SNAP91: variants seen among roughly 807,000 people sequenced by gnomAD.
SNAP91 encodes synaptosome associated protein 91, also known as clathrin coat assembly protein AP180.
Under a neutral mutation model 100.3 loss-of-function variants are expected in SNAP91, and 27 were observed. The ratio of observed to expected loss-of-function variants is 0.27; its 90% CI spans 0.20 to 0.37. The LOEUF (loss-of-function observed/expected upper bound fraction) is 0.37, where lower values mean the gene tolerates loss of function less well. Among genes scored for constraint, SNAP91 ranks in the 10% least tolerant of loss-of-function variants. The pLI is 1.00. For synonymous variants in SNAP91, 404 were observed against 398.6 expected (o/e 1.01, Z -0.16); for missense variants, 986 against 1,123.7 (o/e 0.88, Z 1.75).
chr6:83,616,120 A>C (rs977128557), intron 10 of SNAP91, among the ~76,000 whole-genome samples: 6 of 152,212 alleles, frequency 3.9e-5, no homozygotes, highest in Admixed American at 1.3e-4. Context: ...ATGTAAAAAA[A>C]GAAATAGCCA....
chr6:83,555,958 C>A (rs910012678), intron 29 of SNAP91, among the ~76,000 whole-genome samples, 185 bp downstream of exon 29: 1 of 151,988 alleles, frequency 6.6e-6, no homozygotes, highest in African/African-American at 2.4e-5. Context: ...CTCCTAGTTA[C>A]ATAAATTAAG....
chr6:83,678,600 G>A (rs930955780), intron 2 of SNAP91, among the ~76,000 whole-genome samples: 1 of 152,080 alleles, frequency 6.6e-6, no homozygotes, highest in Admixed American at 6.6e-5. Context: ...TTTCTCCTTT[G>A]CTGTATCTAT....
chr6:83,633,334 C>G (rs1359074162), intron 8 of SNAP91, among the ~76,000 whole-genome samples: 2 of 152,118 alleles, frequency 1.3e-5, no homozygotes, highest in African/African-American at 4.8e-5. Context: ...GTTTAAGGCG[C>G]TATTTTTGTG....
intron 26 of SNAP91, among the ~76,000 whole-genome samples, chr6:83,567,097 C>T (rs1050793612): frequency 6.6e-6 from 1 of 152,296 alleles, no homozygotes; most frequent in East Asian, 1.9e-4. Context: ...TGCCACCACA[C>T]CCAGCTAACT....
intron 16 of SNAP91, among the ~76,000 whole-genome samples, chr6:83,597,472 T>C (rs1273895849): frequency 6.6e-6 from 1 of 152,248 alleles, no homozygotes; most frequent in African/African-American, 2.4e-5. Context: ...GTTACCCATT[T>C]GCAGTTAATT....
At chr6:83,561,041 G>T (rs544099740) in intron 26 of SNAP91, 94 bp from the exon 27 acceptor site, 2 of 836,426 alleles carry the variant, frequency 2.4e-6, no homozygotes, top group East Asian at 5.9e-5. Flanking sequence ...ATATAATTTG[G>T]TATTTATTTA....
At chr6:83,563,481 G>A (rs1326612406) in intron 26 of SNAP91, among the ~76,000 whole-genome samples, 1 of 152,128 alleles carries the variant, frequency 6.6e-6, no homozygotes, top group Non-Finnish European at 1.5e-5. Context: ...AAGACAAGGA[G>A]GTTATGAAAG....
chr6:83,596,798 C>T (rs2094528976), intron 16 of SNAP91, among the ~76,000 whole-genome samples: 1 of 152,156 alleles, frequency 6.6e-6, no homozygotes, highest in East Asian at 1.9e-4. Context: ...TAAAGTTACA[C>T]AGCAAGAAAA....
chr6:83,581,693 G>A (rs1413317682), intron 23 of SNAP91, among the ~76,000 whole-genome samples: 2 of 152,174 alleles, frequency 1.3e-5, no homozygotes, highest in African/African-American at 4.8e-5. Context: ...AACTCACCAA[G>A]TGAAAATTTG....
At chr6:83,612,180 T>C (rs1238822709) in intron 11 of SNAP91, among the ~76,000 whole-genome samples, 1 of 152,164 alleles carries the variant, frequency 6.6e-6, no homozygotes, top group Non-Finnish European at 1.5e-5. Flanking sequence ...TGGTTACATG[T>C]AGTTTGGCTA....
chr6:83,700,546 T>G lies in SNAP91; in HGVS notation c.130+7252A>C, dbSNP rs58381722. ...AGTAGGTACTATAATTAATCTTCAT[T>G]TTACAGATGAGGCTTATTACTGATC... On this transcript the variant is annotated intron_variant, in intron 2 of 29. Coordinates refer to ENST00000369694, the MANE Select transcript of SNAP91 (RefSeq NM_001242792.2). Among the ~76,000 whole-genome samples the G allele has an allele frequency of 3.3e-3, 505 of 151,884 alleles. 4 individuals carry two copies. The highest frequency in any genetic ancestry group is 0.012 in the African/African-American group (477 of 41,448).
chr6:83,684,118 T>C (rs186955796), intron 2 of SNAP91, among the ~76,000 whole-genome samples: 11 of 152,342 alleles, frequency 7.2e-5, no homozygotes, highest in Admixed American at 7.2e-4. Context: ...AATAGTTTCA[T>C]ACAATCTAGT....
intron 7 of SNAP91, among the ~76,000 whole-genome samples, chr6:83,642,626 T>C (rs1443156388): frequency 6.6e-6 from 1 of 152,246 alleles, no homozygotes; most frequent in African/African-American, 2.4e-5. Flanking sequence ...TCTTTGCTAC[T>C]GTGAACAGTG....
intron 22 of SNAP91, among the ~76,000 whole-genome samples, chr6:83,582,819 T>C (rs1204733817): frequency 6.6e-6 from 1 of 152,230 alleles, no homozygotes; most frequent in Non-Finnish European, 1.5e-5. Context: ...ATACATGTTC[T>C]AGCCCCACTG....
At chr6:83,621,304 T>C (rs1000577343) in intron 9 of SNAP91, among the ~76,000 whole-genome samples, 3 of 152,230 alleles carry the variant, frequency 2.0e-5, no homozygotes, top group Non-Finnish European at 4.4e-5. Flanking sequence ...TTCTTTTTAA[T>C]GGTTGTATAG....
chr6:83,635,572 G>A (rs1256606487), intron 8 of SNAP91, among the ~76,000 whole-genome samples: 1 of 151,936 alleles, frequency 6.6e-6, no homozygotes, highest in Non-Finnish European at 1.5e-5. Context: ...TTGAGGCTAT[G>A]CGTGTCATTA....
intron 2 of SNAP91, among the ~76,000 whole-genome samples, chr6:83,700,686 T>C (rs980496281): frequency 6.6e-6 from 1 of 152,030 alleles, no homozygotes. Context: ...AATGGCATGA[T>C]CATGGCTCAT....
At chr6:83,603,579 TA>T (rs1383822221) in intron 14 of SNAP91, among the ~76,000 whole-genome samples, 2 of 151,624 alleles carry the variant, frequency 1.3e-5, no homozygotes, top group African/African-American at 4.8e-5. Context: ...GTCTTATGGC[TA>T]AAATTTGAAA....
intron 7 of SNAP91, among the ~76,000 whole-genome samples, chr6:83,645,036 G>C (rs1208115646): frequency 6.6e-6 from 1 of 152,026 alleles, no homozygotes; most frequent in Non-Finnish European, 1.5e-5. Context: ...CATGACTTTG[G>C]CCCTTATTAG....
Sources: allele counts gnomAD v4.1 joint callset (sites outside exome capture counted in the v4.1 genomes callset), GRCh38; gene constraint gnomAD v4.1.1; transcripts MANE v1.5; gene names NCBI Gene and HGNC (gene_info 2026-07-23, HGNC 2026-07-21).